The following SAMSN1 variants were observed in gnomAD, a reference collection of about 807,000 sequenced individuals.
SAMSN1 encodes the protein SAM domain, SH3 domain and nuclear localization signals 1.
Under a neutral mutation model 42.0 loss-of-function variants are expected in SAMSN1, and 31 were observed. That is an observed-to-expected ratio of 0.74 (90% CI 0.55 to 1.00). The LOEUF (loss-of-function observed/expected upper bound fraction) is 1.00, where lower values mean the gene tolerates loss of function less well. Among genes scored for constraint, SAMSN1 ranks in the 50% least tolerant of loss-of-function variants. The pLI is 0.00. For synonymous variants in SAMSN1, 178 were observed against 151.9 expected (o/e 1.17, Z -1.26); for missense variants, 464 against 439.4 (o/e 1.06, Z -0.50).
chr21:14,537,097 C>A (rs1316227118), intron 1 of SAMSN1, among the ~76,000 whole-genome samples: 1 of 152,224 alleles, frequency 6.6e-6, no homozygotes, highest in Admixed American at 6.5e-5. Flanking sequence ...CATCTTTCAA[C>A]ACTAGCTAAA....
intron 1 of SAMSN1, among the ~76,000 whole-genome samples, chr21:14,525,456 A>T (rs1009930492): frequency 2.6e-5 from 4 of 152,216 alleles, no homozygotes; most frequent in African/African-American, 9.6e-5. Flanking sequence ...ATTTTAAGAA[A>T]GAGTTAAAGT....
In SAMSN1 at chr21:14,512,427, T is replaced by C. The variant is rs185833210; in HGVS notation, c.409+17A>G. The C allele has an allele frequency of 7.4e-6, 12 of 1,612,774 alleles. No homozygotes were observed. The East Asian group carries it at 2.2e-4, about 30-fold the overall frequency. Reference sequence around the variant, plus strand: ...GACCTCACACCCAGGATCTTGTCCCTGATTCATTAGCCTTACTTGATGAGC... The same window carrying C: ...GACCTCACACCCAGGATCTTGTCCCCGATTCATTAGCCTTACTTGATGAGC... On this transcript the variant is annotated intron_variant, in intron 4 of 7. Transcript: ENST00000400566.
In SAMSN1 at chr21:14,500,625, T is replaced by G. The variant is rs369688141; in HGVS notation, c.672A>C (p.Glu224Asp). 6.2e-7 allele frequency: 1 copy of G among 1,614,172 alleles called. No homozygotes were observed. Among genetic ancestry groups the G allele is most frequent in the Non-Finnish European group, 8.5e-7 (1 of 1,180,006 alleles). ...TTATTTTCTTGGGGGCTGCTTCCTC[T>G]TCTGAGATGACATCCACATAAATGA... ...FKFIYVDVISEEEAAPKKIKA... is the reference protein window; with the variant it reads ...FKFIYVDVISDEEAAPKKIKA... Residue 224 changes from glutamate to aspartate, a missense_variant, in exon 6 of 8, where the codon GAA (glutamate) becomes GAC (aspartate). Transcript: ENST00000400566.
chr21:14,636,979 A>G (rs984701399), intron 2 of SAMSN1, among the ~76,000 whole-genome samples: 3 of 152,210 alleles, frequency 2.0e-5, no homozygotes, highest in African/African-American at 7.2e-5. Flanking sequence ...ACATTTTTAT[A>G]CTTTAACATC....
intron 2 of SAMSN1, among the ~76,000 whole-genome samples, chr21:14,553,731 T>G (rs1243108419): frequency 6.6e-6 from 1 of 152,178 alleles, no homozygotes; most frequent in Non-Finnish European, 1.5e-5. Flanking sequence ...TCTCCAATTG[T>G]CTTCTAGCTT....
At chr21:14,563,963 T>G (rs1981026704) in intron 2 of SAMSN1, among the ~76,000 whole-genome samples, 1 of 152,194 alleles carries the variant, frequency 6.6e-6, no homozygotes, top group Non-Finnish European at 1.5e-5. Context: ...TGTATCTGCA[T>G]GGGGTGGCCA....
At chr21:14,511,477 A>G (rs1356915386) in intron 4 of SAMSN1, among the ~76,000 whole-genome samples, 3 of 152,242 alleles carry the variant, frequency 2.0e-5, no homozygotes, top group African/African-American at 7.2e-5. Context: ...TGCAAAAAAC[A>G]TCCTTTAAAT....
intron 1 of SAMSN1, among the ~76,000 whole-genome samples, chr21:14,532,767 T>G (rs747611383): frequency 3.3e-5 from 5 of 152,060 alleles, no homozygotes; most frequent in Non-Finnish European, 7.4e-5. Context: ...TTAAAGTAAT[T>G]TGAAATTTTT....
chr21:14,503,701 C>A (rs1390297173), intron 5 of SAMSN1, among the ~76,000 whole-genome samples: 1 of 152,132 alleles, frequency 6.6e-6, no homozygotes, highest in Non-Finnish European at 1.5e-5. Context: ...GGCATCATGG[C>A]AGACGGCAGG....
At chr21:14,554,787 C>T (rs1980707722) in intron 2 of SAMSN1, among the ~76,000 whole-genome samples, 1 of 147,464 alleles carries the variant, frequency 6.8e-6, no homozygotes, top group South Asian at 2.3e-4. Flanking sequence ...CAGCTTTAAA[C>T]TCCCAGGCTC....
At chr21:14,594,146 C>A (rs1176128203) in intron 6 of SAMSN1, 8 of 619,688 alleles carry the variant, frequency 1.3e-5, no homozygotes, top group Non-Finnish European at 2.1e-5. Context: ...AACAAAAAAA[C>A]TCCACAAAGC....
intron 4 of SAMSN1, among the ~76,000 whole-genome samples, chr21:14,511,935 A>G (rs924000918): frequency 7.2e-5 from 11 of 152,210 alleles, no homozygotes; most frequent in Non-Finnish European, 1.0e-4. Context: ...AGTAAATGTC[A>G]GTAAAAGTAA....
At chr21:14,534,171 C>G (rs190586210) in intron 1 of SAMSN1, among the ~76,000 whole-genome samples, 14 of 152,316 alleles carry the variant, frequency 9.2e-5, no homozygotes, top group Admixed American at 3.9e-4. Flanking sequence ...TAGACTACTT[C>G]TGCAGATGAC....
intron 2 of SAMSN1, among the ~76,000 whole-genome samples, chr21:14,568,101 C>T (rs933417146): frequency 2.0e-5 from 3 of 152,134 alleles, no homozygotes; most frequent in Non-Finnish European, 4.4e-5. Flanking sequence ...GCAAGCATTA[C>T]TAATCATGGA....
At chr21:14,636,624 C>T (rs1399815556) in intron 2 of SAMSN1, among the ~76,000 whole-genome samples, 3 of 152,040 alleles carry the variant, frequency 2.0e-5, no homozygotes, top group Admixed American at 6.6e-5. Context: ...AGGCGGATCA[C>T]GAGGTAACAA....
At chr21:14,647,178 C>T (rs531700197) in intron 1 of SAMSN1, among the ~76,000 whole-genome samples, 1 of 152,322 alleles carries the variant, frequency 6.6e-6, no homozygotes, top group Admixed American at 6.5e-5. Flanking sequence ...AAGAAACACA[C>T]TTCAACTATA....
intron 2 of SAMSN1, among the ~76,000 whole-genome samples, chr21:14,635,639 A>G (rs1983449229): frequency 6.6e-6 from 1 of 152,232 alleles, no homozygotes; most frequent in South Asian, 2.1e-4. Context: ...TTAAAATAAC[A>G]TCCAAGATTA....
chr21:14,608,178 C>T (rs1022469450), intron 5 of SAMSN1, among the ~76,000 whole-genome samples: 9 of 152,186 alleles, frequency 5.9e-5, no homozygotes, highest in African/African-American at 1.9e-4. Flanking sequence ...ATACCTGGTT[C>T]TAACATCATA....
intron 7 of SAMSN1, among the ~76,000 whole-genome samples, chr21:14,492,135 T>C (rs1986716786): frequency 6.6e-6 from 1 of 152,314 alleles, no homozygotes; most frequent in African/African-American, 2.4e-5. Flanking sequence ...TTTTTGTGCA[T>C]TCGTATCTTG....
Sources: allele counts gnomAD v4.1 joint callset (sites outside exome capture counted in the v4.1 genomes callset), GRCh38; gene constraint gnomAD v4.1.1; transcripts MANE v1.5; gene names NCBI Gene and HGNC (gene_info 2026-07-23, HGNC 2026-07-21).